DNER: variants seen among roughly 807,000 people sequenced by gnomAD.
The protein encoded by DNER is delta and Notch-like epidermal growth factor-related receptor.
In DNER, 33 loss-of-function variants were observed where a neutral mutation model predicts 78.2. The observed-to-expected ratio is 0.42, with a 90% CI of 0.32 to 0.56. DNER has a LOEUF of 0.56. DNER is among the 20% of genes least tolerant of loss of function. The pLI, the probability that DNER is intolerant of heterozygous loss-of-function variation, is 0.11. For synonymous variants in DNER, 417 were observed against 384.8 expected (o/e 1.08, Z -0.98); for missense variants, 918 against 975.3 (o/e 0.94, Z 0.78).
chr2:229,434,819 C>A (rs1205433477), intron 8 of DNER, among the ~76,000 whole-genome samples: 6 of 151,756 alleles, frequency 4.0e-5, no homozygotes, highest in African/African-American at 1.5e-4. Context: ...GTTCAGGGGA[C>A]CTCACCATTT....
intron 2 of DNER, among the ~76,000 whole-genome samples, chr2:229,590,484 G>A (rs896366504): frequency 9.9e-5 from 15 of 152,094 alleles, no homozygotes; most frequent in Non-Finnish European, 1.5e-4. Flanking sequence ...TGAGTGTTGC[G>A]GTCTGCTGTG....
At chr2:229,585,486 C>T (rs1002156559) in intron 4 of DNER, among the ~76,000 whole-genome samples, 4 of 151,880 alleles carry the variant, frequency 2.6e-5, no homozygotes, top group African/African-American at 7.3e-5. Context: ...GGTGGTGAAA[C>T]CCCATCTTTA....
intron 4 of DNER, among the ~76,000 whole-genome samples, chr2:229,552,169 T>C (rs886271079): frequency 6.6e-6 from 1 of 152,158 alleles, no homozygotes; most frequent in Admixed American, 6.5e-5. Context: ...AAAGCAGGAC[T>C]GTCTATGGGA....
At chr2:229,631,895 CA>C (rs1698438530) in intron 1 of DNER, among the ~76,000 whole-genome samples, 2 of 152,172 alleles carry the variant, frequency 1.3e-5, no homozygotes, top group Admixed American at 1.3e-4. Flanking sequence ...AACGAGCTAA[CA>C]AAAGTAACTG....
At chr2:229,507,097 T>C (rs1030942369) in intron 6 of DNER, among the ~76,000 whole-genome samples, 1 of 152,230 alleles carries the variant, frequency 6.6e-6, no homozygotes. Context: ...TAAGTATATT[T>C]GTGTCTAAAC....
intron 3 of DNER, among the ~76,000 whole-genome samples, chr2:229,587,356 T>C (rs757387186): frequency 6.6e-6 from 1 of 152,274 alleles, no homozygotes; most frequent in Middle Eastern, 3.4e-3. Flanking sequence ...GCGTTCCTCC[T>C]GAGCCCAGGA....
chr2:229,430,267 G>A (rs1362107744), intron 8 of DNER, among the ~76,000 whole-genome samples: 5 of 152,010 alleles, frequency 3.3e-5, no homozygotes, highest in African/African-American at 9.7e-5. Flanking sequence ...TGATATAAGC[G>A]GGTAATATCA....
chr2:229,436,401 T>C (rs1053817489), intron 8 of DNER, among the ~76,000 whole-genome samples: 1 of 152,150 alleles, frequency 6.6e-6, no homozygotes, highest in African/African-American at 2.4e-5. Flanking sequence ...AATAGCGCTG[T>C]GATGAACATA....
chr2:229,654,074 A>G (rs1451924488), intron 1 of DNER, among the ~76,000 whole-genome samples: 1 of 152,068 alleles, frequency 6.6e-6, no homozygotes, highest in African/African-American at 2.4e-5. Context: ...CCATTAACTT[A>G]TCATTTACAT....
Position 229,516,357 on chromosome 2 carries a change from C to T in DNER, c.994-3421G>A, listed in dbSNP as rs75662984. On this transcript the variant is annotated intron_variant, in intron 5 of 12. Transcript: ENST00000341772. ...TTTTGTGAAAAACCATGTTTGACCA[C>T]TGAAGTTTAACTCATTGCCTGTGAT... is the stretch of plus-strand genomic sequence containing the variant. Among the ~76,000 whole-genome samples, 1,017 of 152,306 alleles carry T rather than the reference C, an allele frequency of 6.7e-3. 14 individuals carry two copies. The highest frequency in any genetic ancestry group is 0.024 in the African/African-American group (977 of 41,564).
At chr2:229,675,588 G>T (rs935184899) in intron 1 of DNER, among the ~76,000 whole-genome samples, 1 of 152,140 alleles carries the variant, frequency 6.6e-6, no homozygotes, top group African/African-American at 2.4e-5. Flanking sequence ...TGTGTCCCTG[G>T]AGGCTAATCA....
intron 5 of DNER, among the ~76,000 whole-genome samples, chr2:229,520,157 A>G (rs77849770): frequency 0.037 from 5,710 of 152,284 alleles, 161 homozygotes; most frequent in Non-Finnish European, 0.062. Flanking sequence ...TGACATCATA[A>G]TAGGCTGCTT....
At chr2:229,402,690 A>G (rs1693293947) in intron 10 of DNER, among the ~76,000 whole-genome samples, 1 of 152,202 alleles carries the variant, frequency 6.6e-6, no homozygotes, top group Non-Finnish European at 1.5e-5. Context: ...CGGTTACCTT[A>G]TGTCCAGTCT....
At chr2:229,569,835 T>C (rs1697184032) in intron 4 of DNER, among the ~76,000 whole-genome samples, 1 of 152,230 alleles carries the variant, frequency 6.6e-6, no homozygotes, top group African/African-American at 2.4e-5. Flanking sequence ...AGTGCTCCCA[T>C]GGATGTGTGC....
At chr2:229,496,071 C>T (rs12052301) in intron 6 of DNER, among the ~76,000 whole-genome samples, 17,946 of 152,130 alleles carry the variant, frequency 0.12, 1,264 homozygotes, top group South Asian at 0.2. Flanking sequence ...TTAAAGAGAC[C>T]TCAAAGCTTC....
chr2:229,468,326 G>T (rs1369360538), intron 7 of DNER, among the ~76,000 whole-genome samples: 1 of 152,188 alleles, frequency 6.6e-6, no homozygotes, highest in Non-Finnish European at 1.5e-5. Flanking sequence ...ATTACAGTTT[G>T]GGGGGTCATG....
intron 6 of DNER, among the ~76,000 whole-genome samples, chr2:229,489,433 A>T (rs1695346807): frequency 6.6e-6 from 1 of 151,938 alleles, no homozygotes; most frequent in South Asian, 2.1e-4. Flanking sequence ...AGAAAGCCAG[A>T]CTGCAATCAA....
intron 1 of DNER, among the ~76,000 whole-genome samples, chr2:229,631,300 G>T (rs1698429707): frequency 6.6e-6 from 1 of 151,922 alleles, no homozygotes; most frequent in African/African-American, 2.4e-5. Context: ...GCTTGCCCCA[G>T]GTGCAATGTT....
At chr2:229,451,562 T>C (rs1694457337) in intron 7 of DNER, among the ~76,000 whole-genome samples, 1 of 152,248 alleles carries the variant, frequency 6.6e-6, no homozygotes, top group Non-Finnish European at 1.5e-5. Context: ...TTTCATTTAA[T>C]CCTACTATTA....
Sources: allele counts gnomAD v4.1 joint callset (sites outside exome capture counted in the v4.1 genomes callset), GRCh38; gene constraint gnomAD v4.1.1; transcripts MANE v1.5; gene names NCBI Gene and HGNC (gene_info 2026-07-23, HGNC 2026-07-21).